The following LRRC4C variants were observed in gnomAD, a reference collection of about 807,000 sequenced individuals.
LRRC4C encodes the protein leucine rich repeat containing 4C.
A neutral mutation model predicts 33.6 loss-of-function variants in LRRC4C; 5 were observed. That is an observed-to-expected ratio of 0.15 (90% confidence interval 0.08 to 0.31). LRRC4C has a LOEUF of 0.31. Ranked by LOEUF, LRRC4C falls within the 10% of genes least tolerant of loss-of-function variation. The pLI, the probability that LRRC4C is intolerant of heterozygous loss-of-function variation, is 1.00. For synonymous variants in LRRC4C, 329 were observed against 302.0 expected, an observed-to-expected ratio of 1.09 and a Z score of -0.93; for missense variants, 560 against 796.7, an observed-to-expected ratio of 0.70 and a Z score of 3.58.
intron 1 of LRRC4C, among the ~76,000 whole-genome samples, chr11:41,415,656 G>T (rs529687289): frequency 6.6e-6 from 1 of 152,074 alleles, no homozygotes; most frequent in Non-Finnish European, 1.5e-5. Context: ...GAGCAGCAAC[G>T]TTTTAATTCA....
chr11:40,493,303 T>G (rs1386252983), intron 3 of LRRC4C, among the ~76,000 whole-genome samples: 1 of 152,102 alleles, frequency 6.6e-6, no homozygotes, highest in Admixed American at 6.6e-5. Flanking sequence ...AGATCCAGCT[T>G]TGTCTATACC....
intron 3 of LRRC4C, among the ~76,000 whole-genome samples, chr11:40,593,867 A>C (rs114201354): frequency 0.017 from 2,597 of 152,292 alleles, 94 homozygotes; most frequent in African/African-American, 0.059. Flanking sequence ...GATTTATTTA[A>C]AAATTTAAAA....
chr11:40,739,397 T>A (rs943409344), intron 2 of LRRC4C, among the ~76,000 whole-genome samples: 23 of 152,048 alleles, frequency 1.5e-4, no homozygotes, highest in Non-Finnish European at 5.9e-5. Context: ...TTTTCTTCTT[T>A]TTGAAGCCTG....
At chr11:40,352,032 GATAA>G (rs1441307039) in intron 3 of LRRC4C, among the ~76,000 whole-genome samples, 2 of 151,726 alleles carry the variant, frequency 1.3e-5, no homozygotes, top group African/African-American at 4.8e-5. Context: ...TGTTATTATT[GATAA>G]ATAAAGACTC....
chr11:40,260,084 G>A (rs1282101581), intron 4 of LRRC4C, among the ~76,000 whole-genome samples: 1 of 136,076 alleles, frequency 7.3e-6, no homozygotes, highest in African/African-American at 2.8e-5. Context: ...AAATCATGCT[G>A]CTATAAAGAC....
At chr11:40,723,326 C>CA (rs60736295) in intron 2 of LRRC4C, among the ~76,000 whole-genome samples, 7,087 of 141,302 alleles carry the variant, frequency 0.05, 486 homozygotes, top group African/African-American at 0.16. Flanking sequence ...AAGATTAATG[C>CA]AAAAAAAAAA....
chr11:40,843,163 T>C lies in LRRC4C; in HGVS notation c.-407+90472A>G, dbSNP rs528574016. ...ACCCCTGGATAGTGCAATAGCCACATTGGATGACTGTTTCCTCTATTTACT... is the reference window on the plus strand; with the variant it reads ...ACCCCTGGATAGTGCAATAGCCACACTGGATGACTGTTTCCTCTATTTACT... On this transcript the variant is annotated intron_variant, in intron 2 of 6. Transcript: ENST00000528697. Among the ~76,000 whole-genome samples, 7 of 152,280 alleles carry C rather than the reference T, an allele frequency of 4.6e-5. No homozygotes were observed. The South Asian group carries it at 8.3e-4, about 18-fold the overall frequency.
chr11:40,372,562 A>G (rs1484065460), intron 3 of LRRC4C, among the ~76,000 whole-genome samples: 1 of 152,190 alleles, frequency 6.6e-6, no homozygotes, highest in Non-Finnish European at 1.5e-5. Flanking sequence ...GCCGCGTAAC[A>G]TAACTTGTTC....
intron 3 of LRRC4C, among the ~76,000 whole-genome samples, chr11:40,493,341 C>T (rs934809912): frequency 2.0e-5 from 3 of 151,996 alleles, no homozygotes; most frequent in African/African-American, 7.2e-5. Flanking sequence ...GTGTAATCTA[C>T]AGATATGTAA....
intron 1 of LRRC4C, among the ~76,000 whole-genome samples, chr11:41,192,398 TACACACACACACAC>T (rs148065178): frequency 2.1e-5 from 3 of 145,802 alleles, no homozygotes; most frequent in Non-Finnish European, 4.5e-5. Flanking sequence ...AAGAAGATCA[TACACACACACACAC>T]ACACACACAC....
At chr11:40,387,223 C>T (rs548918591) in intron 3 of LRRC4C, among the ~76,000 whole-genome samples, 1 of 152,138 alleles carries the variant, frequency 6.6e-6, no homozygotes, top group African/African-American at 2.4e-5. Flanking sequence ...ATTTAGAATA[C>T]AACCATTAAT....
chr11:41,281,082 T>TTTC (rs1431163586), intron 1 of LRRC4C, among the ~76,000 whole-genome samples: 2 of 90,852 alleles, frequency 2.2e-5, no homozygotes, highest in Admixed American at 1.1e-4. Flanking sequence ...CTCTGTCCTC[T>TTTC]CTCTCTCTCT....
intron 3 of LRRC4C, among the ~76,000 whole-genome samples, chr11:40,528,147 G>A (rs78986289): frequency 0.021 from 3,145 of 151,884 alleles, 119 homozygotes; most frequent in African/African-American, 0.072. Context: ...ATATAACACC[G>A]AAAGCAAAGC....
chr11:41,098,497 T>A (rs2135591387), intron 1 of LRRC4C, among the ~76,000 whole-genome samples: 1 of 152,286 alleles, frequency 6.6e-6, no homozygotes. Context: ...TGTTAACTTA[T>A]ATCAAGATAC....
intron 1 of LRRC4C, among the ~76,000 whole-genome samples, chr11:41,022,120 T>C (rs1247321061): frequency 2.8e-5 from 4 of 142,650 alleles, no homozygotes; most frequent in Non-Finnish European, 6.1e-5. Flanking sequence ...TAACTTTAAT[T>C]TTATGAGCTT....
intron 1 of LRRC4C, among the ~76,000 whole-genome samples, chr11:41,222,474 G>T (rs940820206): frequency 6.6e-6 from 1 of 152,130 alleles, no homozygotes; most frequent in Non-Finnish European, 1.5e-5. Context: ...AATGGACAGG[G>T]CTGAGGGCCA....
At chr11:40,235,942 C>A (rs1186910051) in intron 5 of LRRC4C, among the ~76,000 whole-genome samples, 1 of 151,910 alleles carries the variant, frequency 6.6e-6, no homozygotes, top group Admixed American at 6.6e-5. Flanking sequence ...ATGGCCAGTG[C>A]CAGAACTCTA....
chr11:40,767,637 C>A (rs538183900), intron 2 of LRRC4C, among the ~76,000 whole-genome samples: 1 of 151,976 alleles, frequency 6.6e-6, no homozygotes, highest in South Asian at 2.1e-4. Flanking sequence ...TCTCTGACCA[C>A]AATAAAATAA....
rs541969504 is a variant in LRRC4C at position 40,582,665 on chromosome 11, C to T, written c.-270+65477G>A. On this transcript the variant is annotated intron_variant, in intron 3 of 6. Coordinates refer to ENST00000528697, the MANE Select transcript of LRRC4C (RefSeq NM_001258419.2). ...CCAAGGAGCTGGGATTACAGGTACA[C>T]GCCACCATGCCTGACTAATTTTTGT... Among the ~76,000 whole-genome samples, 17 of 151,870 alleles carry T rather than the reference C, an allele frequency of 1.1e-4. No individual in the cohort carries two copies. In the East Asian group the frequency reaches 2.1e-3, roughly 19 times the overall value.
Sources: allele counts gnomAD v4.1 joint callset (sites outside exome capture counted in the v4.1 genomes callset), GRCh38; gene constraint gnomAD v4.1.1; transcripts MANE v1.5; gene names NCBI Gene and HGNC (gene_info 2026-07-23, HGNC 2026-07-21).